CUEDC1: variants seen among roughly 807,000 people sequenced by gnomAD.
The protein encoded by CUEDC1 is CUE domain-containing protein 1.
In CUEDC1, 30 loss-of-function variants were observed where a neutral mutation model predicts 43.7. The observed-to-expected ratio is 0.69, with a 90% CI of 0.51 to 0.93. The LOEUF (loss-of-function observed/expected upper bound fraction) is 0.93. Ranked by LOEUF, CUEDC1 falls within the 40% of genes least tolerant of loss-of-function variation. The pLI is 0.00. For synonymous variants in CUEDC1, 223 were observed against 223.6 expected, an observed-to-expected ratio of 1.00 and a Z score of 0.02; for missense variants, 486 against 549.0, an observed-to-expected ratio of 0.89 and a Z score of 1.15.
chr17:57,897,654 GAAA>G (rs58748550), intron 1 of CUEDC1, among the ~76,000 whole-genome samples: 4 of 109,586 alleles, frequency 3.7e-5, no homozygotes, highest in African/African-American at 6.1e-5. Flanking sequence ...TGGTCTCAAT[GAAA>G]AAAAAAAAAA....
intron 1 of CUEDC1, among the ~76,000 whole-genome samples, chr17:57,891,769 C>T (rs1311283082): frequency 6.6e-6 from 1 of 152,180 alleles, no homozygotes; most frequent in Non-Finnish European, 1.5e-5. Context: ...TGCATGGCTC[C>T]CTTCCTTCTG....
chr17:57,935,101 A>G (rs1399124795), intron 1 of CUEDC1, among the ~76,000 whole-genome samples: 2 of 152,230 alleles, frequency 1.3e-5, no homozygotes, highest in African/African-American at 4.8e-5. Context: ...AAGGCTATTC[A>G]AGTGCCCGCA....
chr17:57,939,421 C>T (rs1246418011), intron 1 of CUEDC1, among the ~76,000 whole-genome samples: 3 of 145,944 alleles, frequency 2.1e-5, no homozygotes, highest in Non-Finnish European at 3.0e-5. Flanking sequence ...CACATCACCA[C>T]GCCCAGCTAA....
intron 1 of CUEDC1, among the ~76,000 whole-genome samples, chr17:57,893,014 GC>G: frequency 6.6e-6 from 1 of 152,376 alleles, no homozygotes; most frequent in South Asian, 2.1e-4. Context: ...TGCAAGACAA[GC>G]CACTTGCCAG....
intron 3 of CUEDC1, 67 bp from the exon 4 acceptor site, chr17:57,873,784 C>G: frequency 6.9e-7 from 1 of 1,440,456 alleles, no homozygotes; most frequent in African/African-American, 1.5e-5. Flanking sequence ...CTGGCCCCAT[C>G]ACACCAGGTC....
At chr17:57,939,746 G>A (rs898293510) in intron 1 of CUEDC1, among the ~76,000 whole-genome samples, 1 of 152,260 alleles carries the variant, frequency 6.6e-6, no homozygotes, top group African/African-American at 2.4e-5. Context: ...AAGCCCATCA[G>A]ACTCTCTCCT....
chr17:57,932,659 C>T (rs1288470900), intron 1 of CUEDC1, among the ~76,000 whole-genome samples: 1 of 147,876 alleles, frequency 6.8e-6, no homozygotes, highest in Non-Finnish European at 1.5e-5. Context: ...GTCAGGAGTT[C>T]CAGATCAGCC....
chr17:57,881,526 C>T (rs2074203801), intron 2 of CUEDC1, among the ~76,000 whole-genome samples: 1 of 152,226 alleles, frequency 6.6e-6, no homozygotes, highest in Non-Finnish European at 1.5e-5. Context: ...CCAGCCCAGG[C>T]ACCCTGTTTC....
At position 57,928,432 on chromosome 17, in the gene CUEDC1, C is replaced by T. The variant is rs553451493; in HGVS notation, c.-316+26793G>A. On this transcript the variant is annotated intron_variant, in intron 1 of 10. Coordinates refer to ENST00000577830, the MANE Select transcript of CUEDC1 (RefSeq NM_001271875.2). Reference sequence around the variant, plus strand: ...GGCGTGGTGGCGGGTGCCTGTAGTCCCAGCTACTCGGGAGGCTGAGGCAGG... The same window carrying T: ...GGCGTGGTGGCGGGTGCCTGTAGTCTCAGCTACTCGGGAGGCTGAGGCAGG... 8.6e-5 allele frequency among the ~76,000 whole-genome samples: 13 copies of T among 151,710 alleles called. 1 individual carries two copies. In the South Asian group the frequency reaches 2.7e-3, roughly 32 times the overall value.
chr17:57,890,526 C>T (rs2074344161), intron 1 of CUEDC1, among the ~76,000 whole-genome samples: 2 of 152,222 alleles, frequency 1.3e-5, no homozygotes, highest in Middle Eastern at 3.2e-3. Context: ...CCCCTGAACT[C>T]ATGGTTGTGG....
chr17:57,903,911 G>A (rs1451049518), intron 1 of CUEDC1, among the ~76,000 whole-genome samples: 1 of 151,152 alleles, frequency 6.6e-6, no homozygotes, highest in East Asian at 2.0e-4. Flanking sequence ...ACTCCAGCCT[G>A]GGTGACAGAG....
At chr17:57,939,373 T>C (rs1342239782) in intron 1 of CUEDC1, among the ~76,000 whole-genome samples, 3 of 150,840 alleles carry the variant, frequency 2.0e-5, no homozygotes, top group Non-Finnish European at 4.4e-5. Flanking sequence ...CAGGTGATCC[T>C]CCCACCTCAG....
rs1166809133 is a variant in CUEDC1, at chr17:57,872,666, T to C, written c.781A>G (p.Arg261Gly). 1.9e-6 allele frequency: 3 copies of C among 1,613,660 alleles called. No homozygotes were observed. Among genetic ancestry groups the C allele is most frequent in the Admixed American group, 1.7e-5 (1 of 59,990 alleles). ...RNRDFLLALE[R>G]DRLKYESQKS... is the part of the protein sequence containing the mutation. The stretch of plus-strand genomic sequence containing the variant: ...AGTGGCTGCAGGCGCTGCCCACCTC[T>C]CTCCAGAGCGAGGAGGAAGTCGCGG... The change falls in exon 5 of 11, where the codon AGA becomes GGA. Residue 261 changes from arginine (R) to glycine (G), a missense_variant. Physicochemically the swap from Arg to Gly is moderately radical, Grantham distance 125 (BLOSUM62 -2). Coordinates refer to ENST00000577830, the MANE Select transcript of CUEDC1 (RefSeq NM_001271875.2).
chr17:57,876,318 C>T (rs917640322), intron 3 of CUEDC1, among the ~76,000 whole-genome samples: 1 of 152,152 alleles, frequency 6.6e-6, no homozygotes, highest in Admixed American at 6.5e-5. Flanking sequence ...TCTTTCCTGC[C>T]TCCAGGCCTC....
chr17:57,931,717 G>T (rs1321945248), intron 1 of CUEDC1, among the ~76,000 whole-genome samples: 1 of 152,104 alleles, frequency 6.6e-6, no homozygotes, highest in Non-Finnish European at 1.5e-5. Flanking sequence ...AACACACAAA[G>T]GAACACAGTC....
intron 1 of CUEDC1, among the ~76,000 whole-genome samples, chr17:57,919,185 T>C (rs1190110887): frequency 2.0e-5 from 3 of 151,790 alleles, no homozygotes; most frequent in Non-Finnish European, 4.4e-5. Flanking sequence ...TCTTAATTAA[T>C]TTTTCTTTTG....
At chr17:57,878,752 C>T (rs994908662) in intron 3 of CUEDC1, among the ~76,000 whole-genome samples, 4 of 152,090 alleles carry the variant, frequency 2.6e-5, no homozygotes, top group African/African-American at 7.2e-5. Context: ...CTGCAACCTC[C>T]GCCTCCGGGG....
chr17:57,952,502 C>T (rs569713921), intron 1 of CUEDC1, among the ~76,000 whole-genome samples: 17 of 152,268 alleles, frequency 1.1e-4, no homozygotes, highest in East Asian at 1.9e-4. Context: ...GGTGGGATTA[C>T]AGGCATGAGC....
chr17:57,878,496 C>T (rs974468321), intron 3 of CUEDC1, among the ~76,000 whole-genome samples: 3 of 152,032 alleles, frequency 2.0e-5, no homozygotes, highest in African/African-American at 7.2e-5. Flanking sequence ...ATCTCCCCAC[C>T]CCCTCACCAC....
Sources: allele counts gnomAD v4.1 joint callset (sites outside exome capture counted in the v4.1 genomes callset), GRCh38; gene constraint gnomAD v4.1.1; transcripts MANE v1.5; gene names NCBI Gene and HGNC (gene_info 2026-07-23, HGNC 2026-07-21).